CACNG3: variants seen among roughly 807,000 people sequenced by gnomAD.
The protein encoded by CACNG3 is voltage-dependent calcium channel gamma-3 subunit.
A neutral mutation model predicts 28.5 loss-of-function variants in CACNG3; 3 were observed. The observed-to-expected ratio is 0.11, with a 90% confidence interval of 0.05 to 0.27. The LOEUF is 0.27. CACNG3 is among the 10% of genes least tolerant of loss of function. The pLI is 1.00. For synonymous variants in CACNG3, 174 were observed against 162.2 expected (o/e 1.07, Z -0.55); for missense variants, 236 against 414.4 (o/e 0.57, Z 3.74).
chr16:24,280,820 T>TC (rs1898815520), intron 1 of CACNG3, among the ~76,000 whole-genome samples: 1 of 14,412 alleles, frequency 6.9e-5, no homozygotes, highest in Non-Finnish European at 1.3e-4. Flanking sequence ...AGAGTTTGTC[T>TC]CAAAAAAAAA....
intron 2 of CACNG3, among the ~76,000 whole-genome samples, chr16:24,352,829 T>C (rs1567225722): frequency 1.3e-5 from 2 of 151,870 alleles, no homozygotes; most frequent in African/African-American, 2.4e-5. Context: ...CATGAGCCAC[T>C]GCTCCCAGGC....
At chr16:24,307,022 AC>A (rs1249896376) in intron 1 of CACNG3, among the ~76,000 whole-genome samples, 1 of 152,114 alleles carries the variant, frequency 6.6e-6, no homozygotes, top group Non-Finnish European at 1.5e-5. Flanking sequence ...CCAAGGTCAC[AC>A]CCGCTTCCCA....
At chr16:24,292,679 T>C (rs1014776954) in intron 1 of CACNG3, among the ~76,000 whole-genome samples, 1 of 152,292 alleles carries the variant, frequency 6.6e-6, no homozygotes, top group Non-Finnish European at 1.5e-5. Context: ...CACAAATCTA[T>C]ATTCAGTTTC....
chr16:24,342,036 A>G (rs9930171), intron 1 of CACNG3, among the ~76,000 whole-genome samples: 53,447 of 152,086 alleles, frequency 0.35, 9,792 homozygotes, highest in South Asian at 0.45. Context: ...GGGAGGCTGC[A>G]GCAGGCGGAT....
rs1567217399 is a variant in CACNG3, at chr16:24,317,598, GAAA to G, written c.212-29135_212-29133del. 1.2e-3 allele frequency among the ~76,000 whole-genome samples: 71 copies of G among 61,042 alleles called. 3 individuals are homozygous for G. Among genetic ancestry groups the G allele is most frequent in the Admixed American group, 7.4e-3 (40 of 5,416 alleles). The allele number at this position is 61,042 out of a possible 152,430, so 40.0% of individuals were successfully genotyped here. On this transcript the variant is annotated intron_variant, in intron 1 of 3. Coordinates refer to ENST00000005284, the MANE Select transcript of CACNG3 (RefSeq NM_006539.4). ...AGAAAGAAAGAAAGAAAGAAAGAAA[GAAA>G]GAAAGAAAGAAAGAAAGAAAGAAAG...
intron 1 of CACNG3, among the ~76,000 whole-genome samples, chr16:24,258,300 A>G (rs140805297): frequency 1.3e-5 from 2 of 152,292 alleles, no homozygotes; most frequent in East Asian, 1.9e-4. Flanking sequence ...CGCTACTACA[A>G]TTGATTCTGT....
intron 3 of CACNG3, among the ~76,000 whole-genome samples, chr16:24,360,464 T>C (rs1426062462): frequency 6.6e-6 from 1 of 152,188 alleles, no homozygotes; most frequent in African/African-American, 2.4e-5. Flanking sequence ...CCCCAAGTCC[T>C]GGTGCCCTGG....
chr16:24,258,854 A>T (rs1052166008), intron 1 of CACNG3, among the ~76,000 whole-genome samples: 1 of 152,230 alleles, frequency 6.6e-6, no homozygotes, highest in Non-Finnish European at 1.5e-5. Context: ...TGCACAATTA[A>T]AAATGAAGTT....
Position 24,361,334 on chromosome 16 carries a change from C to T in CACNG3, c.437-18C>T, listed in dbSNP as rs370738159. The T allele has an allele frequency of 1.9e-6, 3 of 1,549,388 alleles. No homozygotes were observed. The highest frequency in any genetic ancestry group is 8.7e-7 in the Non-Finnish European group (1 of 1,150,196). The stretch of plus-strand genomic sequence containing the variant: ...CGAGGTGTATAAAGGACGTGTTTTT[C>T]TTTTCCCCTTCTCTTAGGGTTAAGC... On this transcript the variant is annotated intron_variant, in intron 3 of 3. Transcript: ENST00000005284. The surrounding 1 kb of genome is among the most constrained non-coding windows in gnomAD (Gnocchi z 6.8).
At chr16:24,279,218 G>A (rs906381018) in intron 1 of CACNG3, among the ~76,000 whole-genome samples, 9 of 152,226 alleles carry the variant, frequency 5.9e-5, no homozygotes, top group South Asian at 4.1e-4. Flanking sequence ...AAGATCTGAC[G>A]TAATCAGGTT....
intron 1 of CACNG3, among the ~76,000 whole-genome samples, chr16:24,294,916 T>C (rs1899011551): frequency 6.6e-6 from 1 of 152,210 alleles, no homozygotes; most frequent in Non-Finnish European, 1.5e-5. Context: ...TTGCATTTCA[T>C]TCATTCATTC....
chr16:24,319,136 G>T (rs895627761), intron 1 of CACNG3, among the ~76,000 whole-genome samples: 4 of 152,186 alleles, frequency 2.6e-5, no homozygotes, highest in African/African-American at 9.7e-5. Context: ...AAACCGGGTT[G>T]ATTTAAAGAG....
At chr16:24,285,850 T>C (rs1898886712) in intron 1 of CACNG3, among the ~76,000 whole-genome samples, 1 of 148,256 alleles carries the variant, frequency 6.7e-6, no homozygotes, top group African/African-American at 2.5e-5. Flanking sequence ...CTTTTCTTTT[T>C]TTTTTTTTTT....
chr16:24,303,770 T>A (rs2141361293), intron 1 of CACNG3, among the ~76,000 whole-genome samples: 1 of 151,994 alleles, frequency 6.6e-6, no homozygotes, highest in Non-Finnish European at 1.5e-5. Context: ...ATGCAAAAAA[T>A]TAGCTGGGCT....
chr16:24,297,762 G>T (rs893674748), intron 1 of CACNG3, among the ~76,000 whole-genome samples: 1 of 152,122 alleles, frequency 6.6e-6, no homozygotes, highest in Non-Finnish European at 1.5e-5. Context: ...AGATCTCTGC[G>T]GTGTTCCAGA....
intron 1 of CACNG3, among the ~76,000 whole-genome samples, chr16:24,320,782 C>A (rs183201129): frequency 6.6e-6 from 1 of 152,088 alleles, no homozygotes; most frequent in Admixed American, 6.6e-5. Context: ...CAGGCTGGAA[C>A]GCAGTGGCAT....
intron 1 of CACNG3, among the ~76,000 whole-genome samples, chr16:24,302,625 TTTTTGTTTGTTTTTGTTTTG>T (rs1327359368): frequency 1.5e-5 from 2 of 136,716 alleles, no homozygotes; most frequent in Non-Finnish European, 3.1e-5. Context: ...CAGCTAAATT[TTTTTGTTTGTTTTTGTTTTG>T]TTTTGTTTTG....
At chr16:24,349,839 C>A (rs982084078) in intron 2 of CACNG3, among the ~76,000 whole-genome samples, 1 of 152,182 alleles carries the variant, frequency 6.6e-6, no homozygotes, top group Non-Finnish European at 1.5e-5. Context: ...TTTCACCTAT[C>A]CCCTATTCAA....
intron 1 of CACNG3, among the ~76,000 whole-genome samples, chr16:24,313,456 T>C (rs1899303132): frequency 1.3e-5 from 2 of 152,170 alleles, no homozygotes; most frequent in Admixed American, 6.5e-5. Context: ...TTCGGCACTT[T>C]TATGTTTTTG....
Sources: allele counts gnomAD v4.1 joint callset (sites outside exome capture counted in the v4.1 genomes callset), GRCh38; gene constraint gnomAD v4.1.1; non-coding constraint Gnocchi (gnomAD v3.1); transcripts MANE v1.5; gene names NCBI Gene and HGNC (gene_info 2026-07-23, HGNC 2026-07-21).